Variants in FAM184A observed in about 807,000 individuals in gnomAD.
The protein encoded by FAM184A is family with sequence similarity 184 member A, also known as protein FAM184A.
In FAM184A, 99 loss-of-function variants were observed where a neutral mutation model predicts 143.8. The ratio of observed to expected loss-of-function variants is 0.69; its 90% confidence interval spans 0.58 to 0.81. The LOEUF (loss-of-function observed/expected upper bound fraction) is 0.81, where lower values mean the gene tolerates loss of function less well. FAM184A is among the 40% of genes least tolerant of loss of function. The probability of loss-of-function intolerance (pLI) is 0.00; values close to 1 mark genes in which losing one functional copy is unlikely to be tolerated. For synonymous variants in FAM184A, 427 were observed against 446.4 expected (o/e 0.96, Z 0.55); for missense variants, 1,217 against 1,310.5 (o/e 0.93, Z 1.10).
rs1410174965 is a variant in FAM184A at position 119,038,228 on chromosome 6, A to G, written c.160-13415T>C. On this transcript the variant is annotated intron_variant, in intron 1 of 17. Transcript: ENST00000338891. ...AAAATAAACAAACAAACAAATAGAG[A>G]AAATGAGCTAAAGAAACTGTAGGCT... Among the ~76,000 whole-genome samples the G allele has an allele frequency of 3.3e-5, 5 of 152,202 alleles. No individual in the cohort carries two copies. The East Asian group carries it at 5.8e-4, about 18-fold the overall frequency.
At chr6:118,963,306 A>C (rs978110130) in intron 16 of FAM184A, 3 of 152,144 alleles carry the variant, frequency 2.0e-5, no homozygotes, top group African/African-American at 7.2e-5. Flanking sequence ...TAAATAAATG[A>C]AAAGGAGTAT....
intron 1 of FAM184A, among the ~76,000 whole-genome samples, chr6:119,038,436 A>G (rs1174588309): frequency 2.0e-5 from 3 of 152,182 alleles, no homozygotes; most frequent in Admixed American, 6.5e-5. Context: ...CTTGCTGATA[A>G]AACAGGTTGC....
intron 1 of FAM184A, among the ~76,000 whole-genome samples, chr6:119,098,595 AT>A (rs914634407): frequency 6.6e-6 from 1 of 152,144 alleles, no homozygotes; most frequent in Non-Finnish European, 1.5e-5. Flanking sequence ...TAGATTCAAA[AT>A]TTTTTTATTT....
intron 1 of FAM184A, among the ~76,000 whole-genome samples, chr6:119,139,823 C>T (rs573201463): frequency 2.6e-5 from 4 of 152,068 alleles, no homozygotes; most frequent in East Asian, 1.9e-4. Flanking sequence ...TTTTTTCCTT[C>T]GAGCAAATGA....
chr6:118,991,508 A>C (rs1426325327), intron 9 of FAM184A, among the ~76,000 whole-genome samples: 2 of 152,080 alleles, frequency 1.3e-5, no homozygotes, highest in Non-Finnish European at 2.9e-5. Flanking sequence ...AGGTAAATGC[A>C]AATAGGAGAT....
At chr6:119,106,054 T>A (rs1788768054) in intron 1 of FAM184A, among the ~76,000 whole-genome samples, 1 of 152,200 alleles carries the variant, frequency 6.6e-6, no homozygotes, top group Admixed American at 6.5e-5. Context: ...TTAAAAATTG[T>A]CATTCGTGAA....
intron 1 of FAM184A, among the ~76,000 whole-genome samples, chr6:119,128,158 G>T (rs981768106): frequency 4.6e-5 from 7 of 152,112 alleles, no homozygotes; most frequent in Non-Finnish European, 8.8e-5. Flanking sequence ...TAGCAGTAAG[G>T]TATGCAAACC....
intron 5 of FAM184A, among the ~76,000 whole-genome samples, chr6:119,015,319 G>A (rs149655044): frequency 6.6e-6 from 1 of 152,246 alleles, no homozygotes; most frequent in East Asian, 2.0e-4. Flanking sequence ...GCAGGGAGGT[G>A]TGGAGGGAGA....
intron 1 of FAM184A, among the ~76,000 whole-genome samples, chr6:119,063,588 G>A (rs937788187): frequency 1.3e-5 from 2 of 152,156 alleles, no homozygotes; most frequent in Middle Eastern, 3.4e-3. Flanking sequence ...ACGTGGCCTC[G>A]AGCAAGTCAC....
chr6:119,100,328 A>G (rs939169075), intron 1 of FAM184A, among the ~76,000 whole-genome samples: 1 of 152,292 alleles, frequency 6.6e-6, no homozygotes, highest in South Asian at 2.1e-4. Context: ...ATTGGGGCTC[A>G]CTATCACTAT....
At chr6:118,996,873 C>G (rs1784578899) in intron 9 of FAM184A, among the ~76,000 whole-genome samples, 3 of 150,422 alleles carry the variant, frequency 2.0e-5, no homozygotes. Flanking sequence ...CATGACCATG[C>G]CTGGCTAATT....
intron 14 of FAM184A, among the ~76,000 whole-genome samples, chr6:118,970,159 A>G (rs1167889365): frequency 1.3e-5 from 2 of 149,588 alleles, no homozygotes; most frequent in African/African-American, 4.9e-5. Flanking sequence ...GTCTGCCACC[A>G]CACTCGGCTA....
At chr6:118,967,018 T>TA (rs1385320141) in intron 14 of FAM184A, 66 bp from the exon 15 acceptor site, 2 of 738,728 alleles carry the variant, frequency 2.7e-6, no homozygotes, top group Non-Finnish European at 4.4e-6. Flanking sequence ...ATACCTACAT[T>TA]AAAAAAATTA....
intron 1 of FAM184A, among the ~76,000 whole-genome samples, chr6:119,034,381 C>G (rs990574542): frequency 1.3e-5 from 2 of 151,738 alleles, no homozygotes; most frequent in African/African-American, 4.8e-5. Flanking sequence ...AGATCAAAGA[C>G]AGTAGCATTA....
chr6:119,137,705 G>T (rs1215755176), intron 1 of FAM184A, among the ~76,000 whole-genome samples: 1 of 152,172 alleles, frequency 6.6e-6, no homozygotes, highest in Non-Finnish European at 1.5e-5. Flanking sequence ...ATCTGTCAGG[G>T]GTTTGTCAGG....
intron 1 of FAM184A, among the ~76,000 whole-genome samples, chr6:119,050,378 G>A (rs148139190): frequency 6.6e-6 from 1 of 151,788 alleles, no homozygotes; most frequent in East Asian, 1.9e-4. Context: ...ACATGCAGAC[G>A]AATGTTCACT....
intron 11 of FAM184A, among the ~76,000 whole-genome samples, chr6:118,979,047 C>A (rs1253942123): frequency 6.6e-6 from 1 of 152,116 alleles, no homozygotes. Flanking sequence ...ACATGTGGCT[C>A]CATGTCCTTT....
chr6:118,971,789 C>T lies in FAM184A; in HGVS notation c.2915+2639G>A, dbSNP rs192471765. ...ATACTTACAGACTTAGAGGGTATTTCCCATCCTTTACATGTGTTGCCCCAC... is the reference window on the plus strand; with the variant it reads ...ATACTTACAGACTTAGAGGGTATTTTCCATCCTTTACATGTGTTGCCCCAC... On this transcript the variant is annotated intron_variant, in intron 14 of 17. Transcript: ENST00000338891. Among the ~76,000 whole-genome samples the T allele has an allele frequency of 4.3e-3, 655 of 152,280 alleles. 3 individuals are homozygous for T. The highest frequency in any genetic ancestry group is 7.1e-3 in the Non-Finnish European group (483 of 68,026).
chr6:118,991,609 G>A lies in FAM184A; in HGVS notation c.2089-11259C>T, dbSNP rs188727383. On this transcript the variant is annotated intron_variant, in intron 9 of 17. Coordinates refer to ENST00000338891, the MANE Select transcript of FAM184A (RefSeq NM_024581.6). The stretch of plus-strand genomic sequence containing the variant: ...GCTGGGAGCAAGTGGGTGTGGGAGC[G>A]GAGAAAGGGTTAGTGAGGGACAGTT... Among the ~76,000 whole-genome samples, 307 of 152,130 alleles carry A rather than the reference G, an allele frequency of 2.0e-3. 1 individual carries two copies. Among genetic ancestry groups the A allele is most frequent in the South Asian group, 2.9e-3 (14 of 4,822 alleles).
Sources: gnomAD v4.1 joint callset for allele counts (sites outside exome capture counted in the v4.1 genomes callset) on GRCh38, gnomAD v4.1.1 for gene constraint, MANE v1.5 for transcripts, NCBI Gene and HGNC (gene_info 2026-07-23, HGNC 2026-07-21) for gene names.